Variants in GRB10 observed in about 807,000 individuals in gnomAD.
GRB10 encodes the protein growth factor receptor bound protein 10.
GRB10 carries 20 observed loss-of-function variants against 80.9 expected under a neutral mutation model. The observed-to-expected ratio is 0.25, with a 90% CI of 0.17 to 0.36. The LOEUF (loss-of-function observed/expected upper bound fraction) is 0.36. Among genes scored for constraint, GRB10 ranks in the 10% least tolerant of loss-of-function variants. The pLI, the probability that GRB10 is intolerant of heterozygous loss-of-function variation, is 1.00. For missense variants in GRB10, 548 were observed against 747.7 expected (o/e 0.73, Z 3.12); for synonymous variants, 291 against 291.5 (o/e 1.00, Z 0.02).
At chr7:50,599,360 T>C (rs2047206575) in intron 17 of GRB10, among the ~76,000 whole-genome samples, 1 of 152,224 alleles carries the variant, frequency 6.6e-6, no homozygotes, top group Non-Finnish European at 1.5e-5. Flanking sequence ...TTTTCTTTTC[T>C]TTGTTGTTTA....
intron 6 of GRB10, among the ~76,000 whole-genome samples, chr7:50,671,671 A>T (rs1246545712): frequency 6.6e-6 from 1 of 152,236 alleles, no homozygotes; most frequent in Middle Eastern, 3.2e-3. Flanking sequence ...ACAGGAGGAG[A>T]TGGATAAAAC....
At chr7:50,742,267 G>A (rs981257411) in intron 3 of GRB10, among the ~76,000 whole-genome samples, 4 of 30,932 alleles carry the variant, frequency 1.3e-4, no homozygotes, top group African/African-American at 5.9e-4. Flanking sequence ...GCGCACGCGC[G>A]CGCGCACACA....
intron 3 of GRB10, among the ~76,000 whole-genome samples, chr7:50,750,710 T>C (rs990079072): frequency 4.4e-4 from 67 of 152,198 alleles, no homozygotes; most frequent in African/African-American, 1.6e-3. Flanking sequence ...GAGACAAGTT[T>C]GTACATCACA....
chr7:50,646,323 C>A (rs962374557), intron 7 of GRB10, among the ~76,000 whole-genome samples: 1 of 152,088 alleles, frequency 6.6e-6, no homozygotes, highest in Non-Finnish European at 1.5e-5. Flanking sequence ...TACCTCCATA[C>A]AACACAACAC....
At chr7:50,756,324 A>G (rs2153703449) in intron 2 of GRB10, among the ~76,000 whole-genome samples, 1 of 152,322 alleles carries the variant, frequency 6.6e-6, no homozygotes. Flanking sequence ...GCGTCTCCAA[A>G]GCACGCTGCC....
At chr7:50,695,137 T>A (rs1320850118) in intron 5 of GRB10, among the ~76,000 whole-genome samples, 3 of 151,964 alleles carry the variant, frequency 2.0e-5, no homozygotes, top group Non-Finnish European at 4.4e-5. Context: ...CACTGCCTCG[T>A]CCTCAAAGAT....
chr7:50,755,327 T>C (rs2074899423), intron 3 of GRB10, among the ~76,000 whole-genome samples: 1 of 152,062 alleles, frequency 6.6e-6, no homozygotes, highest in African/African-American at 2.4e-5. Flanking sequence ...CCACCTGAGG[T>C]TGACATGCCA....
rs992070037 is a variant in GRB10 at position 50,708,677 on chromosome 7, T to C, written c.52-4769A>G. Among the ~76,000 whole-genome samples the C allele has an allele frequency of 8.6e-3, 1,227 of 141,984 alleles. 10 individuals are homozygous for C. Among genetic ancestry groups the C allele is most frequent in the Middle Eastern group, 0.025 (7 of 282 alleles). 93.1% of individuals were successfully genotyped at this position (141,984 alleles called of 152,430 possible). A position where few individuals can be genotyped will look rare whatever the true frequency, so the allele number is the denominator to read the frequency against. ...TGGGGGAGGCCCTGTGAGTCTGTTTTTTTTTTTTTTTTTTTTTGAGACAGA... is the reference window on the plus strand; with the variant it reads ...TGGGGGAGGCCCTGTGAGTCTGTTTCTTTTTTTTTTTTTTTTTGAGACAGA... On this transcript the variant is annotated intron_variant, in intron 4 of 18. Transcript: ENST00000401949.
At chr7:50,738,848 T>C (rs2071246427) in intron 3 of GRB10, among the ~76,000 whole-genome samples, 1 of 152,222 alleles carries the variant, frequency 6.6e-6, no homozygotes, top group Non-Finnish European at 1.5e-5. Flanking sequence ...TGTTGTCTTT[T>C]TGCTTCCCTT....
At chr7:50,682,013 G>C (rs1410862773) in intron 5 of GRB10, among the ~76,000 whole-genome samples, 1 of 152,188 alleles carries the variant, frequency 6.6e-6, no homozygotes, top group Non-Finnish European at 1.5e-5. Flanking sequence ...AACAGAGCAG[G>C]AGATGGTAGG....
chr7:50,725,787 G>T (rs1369211545), intron 4 of GRB10, among the ~76,000 whole-genome samples: 1 of 152,208 alleles, frequency 6.6e-6, no homozygotes, highest in Non-Finnish European at 1.5e-5. Flanking sequence ...GCAGTGCAAA[G>T]TCATAGACCA....
At chr7:50,774,550 T>C (rs972148288) in intron 2 of GRB10, among the ~76,000 whole-genome samples, 2 of 152,174 alleles carry the variant, frequency 1.3e-5, no homozygotes, top group Non-Finnish European at 2.9e-5. Context: ...AGCCCTTTGA[T>C]GGGGGCAAGA....
chr7:50,777,426 G>C (rs2077779813), intron 2 of GRB10, among the ~76,000 whole-genome samples: 1 of 23,110 alleles, frequency 4.3e-5, no homozygotes, highest in South Asian at 1.3e-3. Context: ...ACAGCAATCT[G>C]TATACACACA....
intron 7 of GRB10, among the ~76,000 whole-genome samples, chr7:50,646,875 T>C (rs548076840): frequency 6.6e-6 from 1 of 152,342 alleles, no homozygotes; most frequent in African/African-American, 2.4e-5. Flanking sequence ...CCAGCCCTGC[T>C]GCTACGGGCA....
At chr7:50,742,779 A>T (rs930871353) in intron 3 of GRB10, among the ~76,000 whole-genome samples, 2 of 152,090 alleles carry the variant, frequency 1.3e-5, no homozygotes, top group South Asian at 4.2e-4. Flanking sequence ...CTGTTTCCAA[A>T]GGTAAGCACC....
intron 3 of GRB10, among the ~76,000 whole-genome samples, chr7:50,741,681 A>T (rs1319015875): frequency 6.6e-6 from 1 of 152,140 alleles, no homozygotes; most frequent in Non-Finnish European, 1.5e-5. Context: ...GCACACCCCC[A>T]TGTGTCAAGA....
intron 3 of GRB10, among the ~76,000 whole-genome samples, chr7:50,748,042 G>GC (rs1393996580): frequency 6.6e-6 from 1 of 152,206 alleles, no homozygotes; most frequent in Non-Finnish European, 1.5e-5. Context: ...ACGCATGCGT[G>GC]CAGGTGGGAA....
intron 5 of GRB10, among the ~76,000 whole-genome samples, chr7:50,681,274 C>A (rs1311409041): frequency 1.3e-5 from 2 of 152,180 alleles, no homozygotes; most frequent in Non-Finnish European, 2.9e-5. Flanking sequence ...AGCCCCTCCA[C>A]GGAGAAGCCT....
At chr7:50,727,792 C>A (rs373450673) in intron 4 of GRB10, 4 of 152,056 alleles carry the variant, frequency 2.6e-5, no homozygotes, top group African/African-American at 9.7e-5. Flanking sequence ...AAATCACATA[C>A]CAGCTCATCC....
Sources: allele counts gnomAD v4.1 joint callset (sites outside exome capture counted in the v4.1 genomes callset), GRCh38; gene constraint gnomAD v4.1.1; transcripts MANE v1.5; gene names NCBI Gene and HGNC (gene_info 2026-07-23, HGNC 2026-07-21).